The following AK9 variants were observed in gnomAD, a reference collection of about 807,000 sequenced individuals.
AK9 encodes the protein adenylate kinase domain containing 1.
A neutral mutation model predicts 239.6 loss-of-function variants in AK9; 191 were observed. The observed-to-expected ratio is 0.80, with a 90% CI of 0.71 to 0.90. The LOEUF (loss-of-function observed/expected upper bound fraction) is 0.90. AK9 is among the 40% of genes least tolerant of loss of function. The pLI is 0.00. For synonymous variants in AK9, 689 were observed against 721.0 expected (o/e 0.96, Z 0.71); for missense variants, 1,995 against 2,214.7 (o/e 0.90, Z 1.99).
At chr6:109,540,005 C>T (rs1299765941) in intron 27 of AK9, among the ~76,000 whole-genome samples, 2 of 152,126 alleles carry the variant, frequency 1.3e-5, no homozygotes. Flanking sequence ...AGGTGTCATA[C>T]TGCCCCTACT....
intron 36 of AK9, among the ~76,000 whole-genome samples, chr6:109,498,314 C>G (rs1226251215): frequency 1.3e-5 from 2 of 152,212 alleles, no homozygotes; most frequent in African/African-American, 4.8e-5. Flanking sequence ...GGTGAGTTAA[C>G]TTCTCCAGCT....
chr6:109,657,637 T>C (rs1357800388), intron 7 of AK9, among the ~76,000 whole-genome samples: 3 of 151,970 alleles, frequency 2.0e-5, no homozygotes, highest in Admixed American at 2.0e-4. Context: ...GCCATGTTGG[T>C]GTGCTTCACC....
chr6:109,690,377 T>TG (rs1206309494), intron 1 of AK9: 7 of 152,270 alleles, frequency 4.6e-5, no homozygotes, highest in African/African-American at 1.7e-4. Context: ...GAAGCTGGTC[T>TG]GGGGGTCCCC....
At chr6:109,528,763 T>A in intron 29 of AK9, 1 of 594,058 alleles carries the variant, frequency 1.7e-6, no homozygotes, top group Non-Finnish European at 3.1e-6. Context: ...TGGACATTTT[T>A]ATACAGATGG....
intron 27 of AK9, among the ~76,000 whole-genome samples, chr6:109,539,217 C>T (rs183521116): frequency 6.6e-6 from 1 of 152,334 alleles, no homozygotes; most frequent in Admixed American, 6.5e-5. Context: ...TGGTTCCATT[C>T]TCCCTGTCAC....
intron 9 of AK9, among the ~76,000 whole-genome samples, chr6:109,641,844 C>CT (rs1484132360): frequency 6.6e-6 from 1 of 152,148 alleles, no homozygotes. Flanking sequence ...CCCTGTGTGT[C>CT]TGAGTCTCTT....
intron 5 of AK9, among the ~76,000 whole-genome samples, chr6:109,667,496 G>A (rs947824139): frequency 1.3e-5 from 2 of 152,014 alleles, no homozygotes; most frequent in African/African-American, 4.8e-5. Context: ...TTGGTGTGCT[G>A]CACCCATTAA....
chr6:109,665,397 C>A (rs1415876360), intron 5 of AK9, among the ~76,000 whole-genome samples: 1 of 152,126 alleles, frequency 6.6e-6, no homozygotes, highest in Admixed American at 6.5e-5. Context: ...TCAGTACATC[C>A]CTAAAAAAAT....
intron 17 of AK9, among the ~76,000 whole-genome samples, chr6:109,599,335 C>T (rs1791566107): frequency 6.6e-6 from 1 of 152,138 alleles, no homozygotes; most frequent in Non-Finnish European, 1.5e-5. Context: ...ATAGGGAATC[C>T]TTTCCCCATT....
At chr6:109,551,703 A>C (rs1784379319) in intron 24 of AK9, among the ~76,000 whole-genome samples, 1 of 151,828 alleles carries the variant, frequency 6.6e-6, no homozygotes. Context: ...ATATTTTAGT[A>C]ATTGATTTTA....
intron 26 of AK9, among the ~76,000 whole-genome samples, chr6:109,543,982 G>A (rs1353346916): frequency 6.6e-6 from 1 of 151,948 alleles, no homozygotes; most frequent in East Asian, 2.0e-4. Context: ...ACCCTGGCAT[G>A]GTGGTGCATG....
intron 27 of AK9, among the ~76,000 whole-genome samples, chr6:109,534,287 ATTTATTTTAT>A (rs892287240): frequency 5.3e-5 from 8 of 150,100 alleles, no homozygotes; most frequent in Non-Finnish European, 8.9e-5. Flanking sequence ...ACTTATTTTA[ATTTATTTTAT>A]TTTATTTTAT....
chr6:109,628,545 C>T (rs1236495057), intron 12 of AK9, among the ~76,000 whole-genome samples: 1 of 152,206 alleles, frequency 6.6e-6, no homozygotes, highest in Admixed American at 6.5e-5. Flanking sequence ...ACTGTCATGG[C>T]TGGAATTTAA....
At chr6:109,593,221 T>C (rs1430967502) in intron 17 of AK9, among the ~76,000 whole-genome samples, 4 of 152,102 alleles carry the variant, frequency 2.6e-5, no homozygotes, top group African/African-American at 9.7e-5. Flanking sequence ...AAAATCTATC[T>C]CATCTTTCAT....
intron 29 of AK9, among the ~76,000 whole-genome samples, chr6:109,517,161 G>T (rs1034414748): frequency 6.6e-6 from 1 of 152,084 alleles, no homozygotes; most frequent in Non-Finnish European, 1.5e-5. Context: ...CTTTCAAAGG[G>T]TCTGTGGTTT....
chr6:109,690,116 A>C (rs952250626), intron 1 of AK9, among the ~76,000 whole-genome samples: 4 of 152,152 alleles, frequency 2.6e-5, no homozygotes, highest in Non-Finnish European at 4.4e-5. Context: ...GGTATGCTAT[A>C]ATTCTATAAT....
At chr6:109,507,767 TC>T (rs1470976341) in intron 33 of AK9, among the ~76,000 whole-genome samples, 1 of 152,198 alleles carries the variant, frequency 6.6e-6, no homozygotes, top group Non-Finnish European at 1.5e-5. Context: ...ATATTTGAGT[TC>T]TTGTGGATGA....
chr6:109,655,177 T>C (rs1799512537), intron 8 of AK9, among the ~76,000 whole-genome samples: 1 of 152,194 alleles, frequency 6.6e-6, no homozygotes, highest in Non-Finnish European at 1.5e-5. Context: ...ATATTTGGGG[T>C]ATAAGAGTTC....
Position 109,509,259 on chromosome 6 carries a change from A to G in AK9, c.4401T>C (p.His1467=), listed in dbSNP as rs766051817. ...ELALMLNWHL[H]KGMTAPDELA... is the part of the protein sequence containing the mutation. ...GTTCATCAGGTGCTGTCATTCCTTT[A>G]TGAAGATGCCAATTTAACATAAGTG... The change falls in exon 33 of 41, where the codon CAT becomes CAC. Residue 1467 remains histidine (H), a synonymous_variant. Coordinates refer to ENST00000424296, the MANE Select transcript of AK9 (RefSeq NM_001145128.3). 24 of 1,551,912 alleles carry G rather than the reference A, an allele frequency of 1.5e-5. No homozygotes were observed. The highest frequency in any genetic ancestry group is 1.8e-5 in the Non-Finnish European group (21 of 1,147,056).
Sources: gnomAD v4.1 joint callset for allele counts (sites outside exome capture counted in the v4.1 genomes callset) on GRCh38, gnomAD v4.1.1 for gene constraint, MANE v1.5 for transcripts, NCBI Gene and HGNC (gene_info 2026-07-23, HGNC 2026-07-21) for gene names.